ANXA10: variants seen among roughly 807,000 people sequenced by gnomAD.
ANXA10 encodes the protein annexin 14.
A neutral mutation model predicts 53.5 loss-of-function variants in ANXA10; 49 were observed. The observed-to-expected ratio is 0.92, with a 90% CI of 0.73 to 1.16. The LOEUF (loss-of-function observed/expected upper bound fraction) is 1.16, where lower values mean the gene tolerates loss of function less well. ANXA10 is among the 50% of genes most tolerant of loss of function. The pLI is 0.00. For missense variants in ANXA10, 393 were observed against 394.4 expected (o/e 1.00, Z 0.03); for synonymous variants, 131 against 128.9 (o/e 1.02, Z -0.11).
intron 7 of ANXA10, 29 bp downstream of exon 7, chr4:168,177,822 G>C: frequency 6.2e-7 from 1 of 1,614,054 alleles, no homozygotes; most frequent in Non-Finnish European, 8.5e-7. Flanking sequence ...CAGACTGACT[G>C]CAAAGAACCT....
At chr4:168,111,623 T>C (rs978273042) in intron 1 of ANXA10, among the ~76,000 whole-genome samples, 3 of 152,122 alleles carry the variant, frequency 2.0e-5, no homozygotes, top group South Asian at 2.1e-4. Flanking sequence ...AATATAGAAA[T>C]AGGAACACTT....
Position 168,167,486 on chromosome 4 carries a change from CA to C in ANXA10, c.480+2162del, listed in dbSNP as rs201862781. Among the ~76,000 whole-genome samples, 1,399 of 152,278 alleles carry C rather than the reference CA, an allele frequency of 9.2e-3. 23 individuals are homozygous for C. Among genetic ancestry groups the C allele is most frequent in the South Asian group, 0.046 (224 of 4,832 alleles). ...TTTTGACTTGGGATATTTTAATTTACAATGGATTTATCAGGACGTAACCCCA... is the reference window on the plus strand; with the variant it reads ...TTTTGACTTGGGATATTTTAATTTACATGGATTTATCAGGACGTAACCCCA... On this transcript the variant is annotated intron_variant, in intron 6 of 11. Transcript: ENST00000359299.
intron 3 of ANXA10, 29 bp from the exon 4 acceptor site, chr4:168,162,499 A>G: frequency 6.6e-7 from 1 of 1,526,698 alleles, no homozygotes. Flanking sequence ...GGTAACATAT[A>G]ATAAATATAT....
At chr4:168,109,249 A>T (rs1177282504) in intron 1 of ANXA10, among the ~76,000 whole-genome samples, 1 of 152,214 alleles carries the variant, frequency 6.6e-6, no homozygotes, top group Non-Finnish European at 1.5e-5. Context: ...AGAGCAACCC[A>T]TAACTGATTT....
intron 3 of ANXA10, among the ~76,000 whole-genome samples, chr4:168,156,007 T>C (rs181193295): frequency 0.66 from 21,667 of 32,820 alleles, 6,397 homozygotes; most frequent in South Asian, 0.67. Context: ...ATTTATATTA[T>C]ATGTTATATA....
intron 1 of ANXA10, 88 bp from the exon 2 acceptor site, chr4:168,127,994 GAT>G (rs1731099683): frequency 8.4e-7 from 1 of 1,191,528 alleles, no homozygotes; most frequent in East Asian, 2.4e-5. Flanking sequence ...AAAGTGCAGA[GAT>G]TACAGGTATG....
intron 1 of ANXA10, among the ~76,000 whole-genome samples, chr4:168,107,535 T>C (rs1730737697): frequency 6.6e-6 from 1 of 152,208 alleles, no homozygotes; most frequent in African/African-American, 2.4e-5. Flanking sequence ...TTAAACTCAC[T>C]AGGACTAGTT....
chr4:168,121,925 C>A (rs1730992186), intron 1 of ANXA10, among the ~76,000 whole-genome samples: 1 of 152,164 alleles, frequency 6.6e-6, no homozygotes, highest in Non-Finnish European at 1.5e-5. Context: ...CTCACGGCAA[C>A]CTCCACCTCC....
At chr4:168,173,250 G>GT (rs1396159312) in intron 6 of ANXA10, among the ~76,000 whole-genome samples, 1 of 152,184 alleles carries the variant, frequency 6.6e-6, no homozygotes, top group African/African-American at 2.4e-5. Context: ...AAGCTAATGG[G>GT]TATGAGGGAT....
intron 6 of ANXA10, among the ~76,000 whole-genome samples, chr4:168,169,475 A>G (rs1246972190): frequency 1.3e-5 from 2 of 152,168 alleles, no homozygotes; most frequent in Non-Finnish European, 2.9e-5. Flanking sequence ...TTAGGACTGC[A>G]TCACAGCCAA....
At chr4:168,150,550 A>G (rs748372540) in intron 3 of ANXA10, among the ~76,000 whole-genome samples, 17 of 152,242 alleles carry the variant, frequency 1.1e-4, no homozygotes, top group Non-Finnish European at 1.8e-4. Context: ...AGACACTTTG[A>G]TAGCCAGAAG....
chr4:168,132,990 A>G (rs1731178418), intron 2 of ANXA10, among the ~76,000 whole-genome samples: 1 of 152,030 alleles, frequency 6.6e-6, no homozygotes, highest in Non-Finnish European at 1.5e-5. Context: ...AGAGGTGAAA[A>G]ATTTTAGTCA....
intron 1 of ANXA10, among the ~76,000 whole-genome samples, chr4:168,126,984 A>G (rs1731079937): frequency 6.6e-6 from 1 of 152,180 alleles, no homozygotes; most frequent in African/African-American, 2.4e-5. Context: ...ATTATGGTCC[A>G]GTCCTGTTCT....
Position 168,184,656 on chromosome 4 carries a change from G to T in ANXA10, c.881G>T (p.Gly294Val). The T allele has an allele frequency of 6.2e-7, 1 of 1,613,976 alleles. No homozygotes were observed. The highest frequency in any genetic ancestry group is 1.1e-5 in the South Asian group (1 of 91,064). Residue 294 changes from glycine (G) to valine (V), a missense_variant, in exon 11 of 12, where the codon GGA (glycine) becomes GTA (valine). Coordinates refer to ENST00000359299, the MANE Select transcript of ANXA10 (RefSeq NM_007193.5). ...TIRKRYKERY[G>V]KSLFHDIRNF... ...AGGAAACGATACAAAGAGCGATATG[G>T]AAAATCCCTATTTCATGATATCAGA...
intron 1 of ANXA10, among the ~76,000 whole-genome samples, chr4:168,117,915 ACTCACTCACTCACTCACTCACTCC>A (rs1730919974): frequency 7.0e-6 from 1 of 143,356 alleles, no homozygotes; most frequent in Non-Finnish European, 1.5e-5. Context: ...TCACTCACTC[ACTCACTCACTCACTCACTCACTCC>A]CTCCCTCCCT....
chr4:168,157,470 C>T (rs1057369580), intron 3 of ANXA10, among the ~76,000 whole-genome samples: 4 of 152,058 alleles, frequency 2.6e-5, no homozygotes, highest in African/African-American at 9.7e-5. Context: ...GTTTCAGCAT[C>T]TTGGCCAGGC....
At chr4:168,137,285 AT>A (rs545245388) in intron 2 of ANXA10, among the ~76,000 whole-genome samples, 214 of 152,162 alleles carry the variant, frequency 1.4e-3, no homozygotes, top group African/African-American at 4.7e-3. Context: ...TCCTTTCAAT[AT>A]TTTTTTACAA....
At chr4:168,129,255 A>T (rs1731121946) in intron 2 of ANXA10, among the ~76,000 whole-genome samples, 1 of 152,194 alleles carries the variant, frequency 6.6e-6, no homozygotes, top group Non-Finnish European at 1.5e-5. Context: ...TGCTCGCTAA[A>T]GCTGACTTTA....
At chr4:168,150,883 G>T (rs144168288) in intron 3 of ANXA10, among the ~76,000 whole-genome samples, 150 of 152,296 alleles carry the variant, frequency 9.8e-4, no homozygotes, top group African/African-American at 3.2e-3. Context: ...GAGAGGCAGT[G>T]TAAGAGGGTT....
Sources: gnomAD v4.1 joint callset for allele counts (sites outside exome capture counted in the v4.1 genomes callset) on GRCh38, gnomAD v4.1.1 for gene constraint, MANE v1.5 for transcripts, NCBI Gene and HGNC (gene_info 2026-07-23, HGNC 2026-07-21) for gene names.